Variants in TYW1B observed in about 807,000 individuals in gnomAD.
TYW1B encodes S-adenosyl-L-methionine-dependent tRNA 4-demethylwyosine synthase TYW1B.
In TYW1B, 73 loss-of-function variants were observed where a neutral mutation model predicts 86.9. The observed-to-expected ratio is 0.84, with a 90% CI of 0.70 to 1.02. TYW1B has a LOEUF of 1.02. TYW1B is among the 50% of genes least tolerant of loss of function. TYW1B has a pLI of 0.00. For missense variants in TYW1B, 637 were observed against 827.4 expected, an observed-to-expected ratio of 0.77 and a Z score of 2.82; for synonymous variants, 248 against 292.8, an observed-to-expected ratio of 0.85 and a Z score of 1.56.
chr7:72,598,312 T>C (rs1427252316), intron 13 of TYW1B, among the ~76,000 whole-genome samples: 21 of 152,254 alleles, frequency 1.4e-4, no homozygotes, highest in Non-Finnish European at 2.4e-4. Flanking sequence ...ATACTGGCTC[T>C]CCTTGCTCCT....
chr7:72,640,022 A>G (rs1265745486), intron 11 of TYW1B, among the ~76,000 whole-genome samples: 3 of 152,180 alleles, frequency 2.0e-5, no homozygotes, highest in Non-Finnish European at 4.4e-5. Context: ...GTTAATTTAC[A>G]TTGACTTTAA....
At chr7:72,755,815 C>A (rs566767288) in intron 7 of TYW1B, among the ~76,000 whole-genome samples, 2 of 152,300 alleles carry the variant, frequency 1.3e-5, no homozygotes, top group East Asian at 3.9e-4. Flanking sequence ...TAAAAAGATT[C>A]AACAGAGAAA....
At chr7:72,622,852 C>T (rs1252270333) in intron 12 of TYW1B, among the ~76,000 whole-genome samples, 2 of 152,002 alleles carry the variant, frequency 1.3e-5, no homozygotes, top group African/African-American at 4.8e-5. Context: ...AAACACACCA[C>T]GCACTCACAC....
intron 13 of TYW1B, among the ~76,000 whole-genome samples, chr7:72,613,871 T>G (rs1254163860): frequency 6.6e-6 from 1 of 152,090 alleles, no homozygotes; most frequent in African/African-American, 2.4e-5. Flanking sequence ...AGTTGATAAC[T>G]GTATCGTGGT....
At chr7:72,775,451 A>T (rs1787937760) in intron 7 of TYW1B, among the ~76,000 whole-genome samples, 1 of 152,184 alleles carries the variant, frequency 6.6e-6, no homozygotes, top group South Asian at 2.1e-4. Flanking sequence ...TATTTAAAGG[A>T]ACAAACAAAA....
At chr7:72,621,983 G>C (rs1162100818) in intron 12 of TYW1B, among the ~76,000 whole-genome samples, 2 of 152,214 alleles carry the variant, frequency 1.3e-5, no homozygotes, top group Non-Finnish European at 2.9e-5. Context: ...CACACAGCTA[G>C]GGTGCCAACA....
intron 11 of TYW1B, among the ~76,000 whole-genome samples, chr7:72,663,867 C>T (rs186035352): frequency 1.0e-3 from 151 of 150,298 alleles, no homozygotes; most frequent in African/African-American, 3.3e-3. Flanking sequence ...TTTAATCTTA[C>T]GACACTCTGT....
At chr7:72,789,812 C>T (rs1463109226) in intron 6 of TYW1B, among the ~76,000 whole-genome samples, 1 of 151,114 alleles carries the variant, frequency 6.6e-6, no homozygotes, top group Non-Finnish European at 1.5e-5. Flanking sequence ...ACAAAAGAAA[C>T]CAAATAATCC....
At chr7:72,664,934 C>CTAGATTACT (rs1813425680) in intron 11 of TYW1B, among the ~76,000 whole-genome samples, 1 of 152,128 alleles carries the variant, frequency 6.6e-6, no homozygotes, top group African/African-American at 2.4e-5. Flanking sequence ...TAAATAATCT[C>CTAGATTACT]TAGATTACTT....
Position 72,822,369 on chromosome 7 carries a change from ATG to A in TYW1B, c.135+4484_135+4485del, listed in dbSNP as rs535298820. Reference sequence around the variant, plus strand: ...GAACTAATGCACACAAATCGTCAAAATGCATACAAATCGTCAAAACAAAAAAA... The same window carrying A: ...GAACTAATGCACACAAATCGTCAAAACATACAAATCGTCAAAACAAAAAAA... On this transcript the variant is annotated intron_variant, in intron 2 of 13. Coordinates refer to ENST00000620995, the MANE Select transcript of TYW1B (RefSeq NM_001145440.3). Among the ~76,000 whole-genome samples, 984 of 152,162 alleles carry A rather than the reference ATG, an allele frequency of 6.5e-3. 12 individuals carry two copies. Among genetic ancestry groups the A allele is most frequent in the African/African-American group, 0.021 (851 of 41,482 alleles).
intron 11 of TYW1B, among the ~76,000 whole-genome samples, chr7:72,660,231 A>G (rs1813297220): frequency 2.6e-5 from 4 of 152,094 alleles, no homozygotes; most frequent in African/African-American, 9.7e-5. Flanking sequence ...AAAATTAGCC[A>G]GGTGTGATGG....
intron 11 of TYW1B, among the ~76,000 whole-genome samples, chr7:72,668,556 TC>T (rs1480070060): frequency 6.6e-6 from 1 of 152,030 alleles, no homozygotes; most frequent in African/African-American, 2.4e-5. Flanking sequence ...GTCATTCCAC[TC>T]CCCATCCGAC....
intron 12 of TYW1B, among the ~76,000 whole-genome samples, chr7:72,627,186 C>T (rs1353910914): frequency 2.0e-5 from 3 of 151,966 alleles, no homozygotes; most frequent in South Asian, 2.1e-4. Flanking sequence ...GTAGTTCTAA[C>T]CCTGTAATCT....
At chr7:72,822,162 C>CAAAAAAAAA (rs782637112) in intron 2 of TYW1B, among the ~76,000 whole-genome samples, 9 of 36,178 alleles carry the variant, frequency 2.5e-4, no homozygotes, top group African/African-American at 3.3e-4. Context: ...GACCCTGTCT[C>CAAAAAAAAA]AAAAAAAAAA....
At chr7:72,753,925 AT>A (rs2129571532) in intron 7 of TYW1B, among the ~76,000 whole-genome samples, 1 of 152,240 alleles carries the variant, frequency 6.6e-6, no homozygotes, top group African/African-American at 2.4e-5. Context: ...AAACCAAAAC[AT>A]TTGTGTGGCT....
At chr7:72,812,535 A>G (rs568468428) in intron 3 of TYW1B, among the ~76,000 whole-genome samples, 3 of 152,138 alleles carry the variant, frequency 2.0e-5, no homozygotes, top group African/African-American at 7.2e-5. Flanking sequence ...TTTGCTAATA[A>G]TTTTTCACAA....
At chr7:72,579,924 C>A (rs1811112372) in intron 13 of TYW1B, among the ~76,000 whole-genome samples, 1 of 152,202 alleles carries the variant, frequency 6.6e-6, no homozygotes, top group Non-Finnish European at 1.5e-5. Context: ...ATGCTAGGAT[C>A]ATAGGCATGA....
At chr7:72,644,718 A>G (rs1812883337) in intron 11 of TYW1B, among the ~76,000 whole-genome samples, 1 of 152,118 alleles carries the variant, frequency 6.6e-6, no homozygotes, top group Admixed American at 6.6e-5. Context: ...GGGGAAAAAA[A>G]TCCCCACTTT....
chr7:72,658,458 T>C (rs1704959311), intron 11 of TYW1B, among the ~76,000 whole-genome samples: 1 of 152,216 alleles, frequency 6.6e-6, no homozygotes, highest in Non-Finnish European at 1.5e-5. Context: ...ATAGTTAGTA[T>C]AAACTAAACA....
Sources: allele counts gnomAD v4.1 joint callset (sites outside exome capture counted in the v4.1 genomes callset), GRCh38; gene constraint gnomAD v4.1.1; transcripts MANE v1.5; gene names NCBI Gene and HGNC (gene_info 2026-07-23, HGNC 2026-07-21).